CARMIL1: variants seen among roughly 807,000 people sequenced by gnomAD.
CARMIL1 encodes the protein F-actin-uncapping protein LRRC16A.
Under a neutral mutation model 177.1 loss-of-function variants are expected in CARMIL1, and 90 were observed. That is an observed-to-expected ratio of 0.51 (90% CI 0.43 to 0.61). The LOEUF (loss-of-function observed/expected upper bound fraction) is 0.61, where lower values mean the gene tolerates loss of function less well. CARMIL1 is among the 20% of genes least tolerant of loss of function. The probability of loss-of-function intolerance (pLI) is 0.00; values close to 1 mark genes in which losing one functional copy is unlikely to be tolerated. For missense variants in CARMIL1, 1,380 were observed against 1,667.0 expected (o/e 0.83, Z 3.00); for synonymous variants, 577 against 606.2 (o/e 0.95, Z 0.71).
chr6:25,322,781 T>C (rs1398793188), intron 2 of CARMIL1, among the ~76,000 whole-genome samples: 4 of 152,192 alleles, frequency 2.6e-5, no homozygotes, highest in Non-Finnish European at 5.9e-5. Flanking sequence ...AAGCTCCATT[T>C]TTTATATTTC....
At chr6:25,516,102 C>G (rs1458531405) in intron 21 of CARMIL1, among the ~76,000 whole-genome samples, 1 of 152,160 alleles carries the variant, frequency 6.6e-6, no homozygotes. Flanking sequence ...GCCACAATTT[C>G]CTATTTCGCA....
At chr6:25,426,410 G>A (rs919267399) in intron 3 of CARMIL1, 91 bp from the exon 4 acceptor site, 51 of 819,684 alleles carry the variant, frequency 6.2e-5, no homozygotes, top group Non-Finnish European at 9.2e-5. Flanking sequence ...TCTAGTTGTA[G>A]GATTTTTTTT....
At chr6:25,609,952 T>G (rs760983021) in intron 35 of CARMIL1, 98 bp from the exon 36 acceptor site, 3 of 1,358,170 alleles carry the variant, frequency 2.2e-6, no homozygotes, top group Non-Finnish European at 2.9e-6. Context: ...TGCTTTATTT[T>G]TTTAAATGAC....
At chr6:25,327,589 C>T (rs946180999) in intron 2 of CARMIL1, among the ~76,000 whole-genome samples, 2 of 152,174 alleles carry the variant, frequency 1.3e-5, no homozygotes, top group Non-Finnish European at 2.9e-5. Context: ...CAAACAAAGT[C>T]TGAATGAGCA....
At chr6:25,575,684 T>C (rs1412767825) in intron 29 of CARMIL1, among the ~76,000 whole-genome samples, 2 of 152,200 alleles carry the variant, frequency 1.3e-5, no homozygotes, top group African/African-American at 4.8e-5. Flanking sequence ...TAATGGGTCA[T>C]AGAATGAGTT....
At chr6:25,363,269 G>A (rs1789424074) in intron 2 of CARMIL1, among the ~76,000 whole-genome samples, 1 of 152,092 alleles carries the variant, frequency 6.6e-6, no homozygotes, top group East Asian at 1.9e-4. Flanking sequence ...TTCCAAAGGG[G>A]GATGGTATAT....
chr6:25,586,969 CGTGGAGAGAGAGGGAG>C (rs1053641503), intron 31 of CARMIL1, among the ~76,000 whole-genome samples: 4 of 133,988 alleles, frequency 3.0e-5, no homozygotes, highest in African/African-American at 1.1e-4. Flanking sequence ...GGAGAGAGAC[CGTGGAGAGAGAGGGAG>C]AGGGAGACCG....
intron 2 of CARMIL1, among the ~76,000 whole-genome samples, chr6:25,382,186 C>T (rs1371733592): frequency 6.6e-6 from 1 of 152,134 alleles, no homozygotes; most frequent in Non-Finnish European, 1.5e-5. Flanking sequence ...CAACCTCCGC[C>T]TTTCTGGTTA....
intron 2 of CARMIL1, among the ~76,000 whole-genome samples, chr6:25,368,194 CT>C (rs1178144325): frequency 6.6e-6 from 1 of 152,216 alleles, no homozygotes; most frequent in African/African-American, 2.4e-5. Flanking sequence ...ACTAGGACAC[CT>C]TCTCTTTATT....
rs1795714402 is a variant in CARMIL1 at position 25,420,111 on chromosome 6, C to T, written c.139-3C>T. The T allele has an allele frequency of 1.9e-6, 3 of 1,612,188 alleles. No homozygotes were observed. Among genetic ancestry groups the T allele is most frequent in the South Asian group, 1.1e-5 (1 of 91,016 alleles). ...TACTGATGCTGCTGCTTCTGTCTTA[C>T]AGGTCCTTACATCATGCCGAGCCTT... On this transcript the variant is annotated splice_region_variant and splice_polypyrimidine_tract_variant and intron_variant, in intron 2 of 36. Coordinates refer to ENST00000329474, the MANE Select transcript of CARMIL1 (RefSeq NM_017640.6).
chr6:25,576,055 G>C (rs1812556457), intron 29 of CARMIL1, among the ~76,000 whole-genome samples: 1 of 152,072 alleles, frequency 6.6e-6, no homozygotes, highest in Non-Finnish European at 1.5e-5. Context: ...CTTTCACAAA[G>C]ACTTGCATTC....
Position 25,514,550 on chromosome 6 carries a change from C to CAAAAAA in CARMIL1, c.1633-1112_1633-1107dup, listed in dbSNP as rs66490833. Among the ~76,000 whole-genome samples the CAAAAAA allele has an allele frequency of 2.5e-3, 211 of 83,782 alleles. 1 individual carries two copies. Among genetic ancestry groups the CAAAAAA allele is most frequent in the East Asian group, 7.7e-3 (17 of 2,204 alleles). 55.0% of individuals were successfully genotyped at this position (83,782 alleles called of 152,430 possible). Reference sequence around the variant, plus strand: ...GGGGGGACAGAGCGAGACCTTGTCTCAAAAAAAAAAAAAAAAAAGCCACAC... The same window carrying CAAAAAA: ...GGGGGGACAGAGCGAGACCTTGTCTCAAAAAAAAAAAAAAAAAAAAAAAAGCCACAC... On this transcript the variant is annotated intron_variant, in intron 20 of 36. Coordinates refer to ENST00000329474, the MANE Select transcript of CARMIL1 (RefSeq NM_017640.6).
chr6:25,288,663 C>T (rs114745920), intron 2 of CARMIL1, among the ~76,000 whole-genome samples: 5 of 152,202 alleles, frequency 3.3e-5, no homozygotes, highest in East Asian at 3.9e-4. Context: ...CTGTTTTCTC[C>T]GTGGTGCGGA....
At chr6:25,344,892 C>T (rs1374681022) in intron 2 of CARMIL1, among the ~76,000 whole-genome samples, 1 of 152,258 alleles carries the variant, frequency 6.6e-6, no homozygotes. Flanking sequence ...TACCTGATTC[C>T]CACTGGCATA....
intron 3 of CARMIL1, among the ~76,000 whole-genome samples, chr6:25,426,159 T>C (rs1222264550): frequency 6.6e-6 from 1 of 152,214 alleles, no homozygotes; most frequent in East Asian, 1.9e-4. Context: ...TAATTGCGTT[T>C]TTTGCTATTA....
intron 25 of CARMIL1, among the ~76,000 whole-genome samples, chr6:25,539,625 CAAAAAAAAAAAA>C (rs11304932): frequency 1.8e-5 from 1 of 55,706 alleles, no homozygotes; most frequent in Non-Finnish European, 3.1e-5. Context: ...AACTCCATCT[CAAAAAAAAAAAA>C]AAAAAAAAAA....
intron 32 of CARMIL1, among the ~76,000 whole-genome samples, chr6:25,597,191 C>T (rs530826561): frequency 1.3e-5 from 2 of 152,260 alleles, no homozygotes; most frequent in East Asian, 3.9e-4. Context: ...ACAACCCACT[C>T]TCTCAAGAAT....
At chr6:25,459,277 T>TCTTTCTTTCTTTCTTCCTTTCTTCC (rs1450322009) in intron 8 of CARMIL1, among the ~76,000 whole-genome samples, 3 of 139,688 alleles carry the variant, frequency 2.1e-5, no homozygotes, top group Non-Finnish European at 3.1e-5. Context: ...TTTTTTTTTT[T>TCTTTCTTTCTTTCTTCCTTTCTTCC]TTTAAGACAG....
At chr6:25,421,475 A>G (rs902620435) in intron 3 of CARMIL1, among the ~76,000 whole-genome samples, 15 of 152,194 alleles carry the variant, frequency 9.9e-5, no homozygotes, top group Non-Finnish European at 2.1e-4. Flanking sequence ...GTGATTCCTC[A>G]GGGATCTAGA....
Sources: gnomAD v4.1 joint callset for allele counts (sites outside exome capture counted in the v4.1 genomes callset) on GRCh38, gnomAD v4.1.1 for gene constraint, MANE v1.5 for transcripts, NCBI Gene and HGNC (gene_info 2026-07-23, HGNC 2026-07-21) for gene names.